Variants in TSPAN18 observed in about 807,000 individuals in gnomAD.
TSPAN18 encodes the protein tetraspanin-18.
A neutral mutation model predicts 27.3 loss-of-function variants in TSPAN18; 14 were observed. The observed-to-expected ratio is 0.51, with a 90% CI of 0.34 to 0.80. TSPAN18 has a LOEUF of 0.80. TSPAN18 is among the 30% of genes least tolerant of loss of function. The pLI, the probability that TSPAN18 is intolerant of heterozygous loss-of-function variation, is 0.01. For missense variants in TSPAN18, 268 were observed against 323.9 expected (o/e 0.83, Z 1.32); for synonymous variants, 143 against 136.5 (o/e 1.05, Z -0.33).
At chr11:44,727,980 G>A (rs867921547) in intron 1 of TSPAN18, among the ~76,000 whole-genome samples, 37 of 152,230 alleles carry the variant, frequency 2.4e-4, no homozygotes, top group African/African-American at 8.4e-4. Flanking sequence ...CCGGCTCCGG[G>A]TCCTGCTGGA....
intron 2 of TSPAN18, among the ~76,000 whole-genome samples, chr11:44,774,218 T>C (rs1855753485): frequency 6.6e-6 from 1 of 152,198 alleles, no homozygotes; most frequent in African/African-American, 2.4e-5. Context: ...GAACAGAACA[T>C]CTGTTTAAAC....
At chr11:44,742,740 G>T (rs960413367) in intron 1 of TSPAN18, among the ~76,000 whole-genome samples, 1 of 152,214 alleles carries the variant, frequency 6.6e-6, no homozygotes, top group African/African-American at 2.4e-5. Flanking sequence ...GCTGACTCAG[G>T]CTTGGTACCG....
At chr11:44,779,671 T>G (rs549613243) in intron 2 of TSPAN18, among the ~76,000 whole-genome samples, 1 of 152,168 alleles carries the variant, frequency 6.6e-6, no homozygotes. Flanking sequence ...TACCTGTGCA[T>G]ATTTACACAC....
chr11:44,801,477 C>T (rs1428791631), intron 2 of TSPAN18, among the ~76,000 whole-genome samples: 1 of 152,100 alleles, frequency 6.6e-6, no homozygotes, highest in African/African-American at 2.4e-5. Context: ...CAGAAGGTAC[C>T]CAGTACATAC....
chr11:44,809,944 C>G (rs1856678053), intron 2 of TSPAN18, among the ~76,000 whole-genome samples: 2 of 152,068 alleles, frequency 1.3e-5, no homozygotes, highest in Non-Finnish European at 2.9e-5. Flanking sequence ...CTGCAAAGCC[C>G]CATTTGATGG....
At chr11:44,899,678 G>C (rs1162178843) in intron 3 of TSPAN18, among the ~76,000 whole-genome samples, 7 of 152,192 alleles carry the variant, frequency 4.6e-5, no homozygotes, top group Non-Finnish European at 8.8e-5. Flanking sequence ...TTCATGCTCA[G>C]CACAATTTCT....
At chr11:44,769,237 G>T (rs1177627791) in intron 2 of TSPAN18, among the ~76,000 whole-genome samples, 1 of 152,090 alleles carries the variant, frequency 6.6e-6, no homozygotes, top group Non-Finnish European at 1.5e-5. Flanking sequence ...TGTGTACCTG[G>T]AATAAATCTC....
chr11:44,788,356 A>G (rs920592504), intron 2 of TSPAN18, among the ~76,000 whole-genome samples: 1 of 152,116 alleles, frequency 6.6e-6, no homozygotes, highest in Non-Finnish European at 1.5e-5. Context: ...CCGAGGGACT[A>G]GCTTTTCAAT....
chr11:44,867,388 T>TC lies in TSPAN18; in HGVS notation c.-11+6920dup, dbSNP rs1858067259. Among the ~76,000 whole-genome samples, 8 of 98,198 alleles carry TC rather than the reference T, an allele frequency of 8.1e-5. 1 individual carries two copies. The South Asian group carries it at 3.5e-3, about 43-fold the overall frequency. The allele number at this position is 98,198 out of a possible 152,430, so 64.4% of individuals were successfully genotyped here. ...TACTGGAGAAGGCTTGGTTTATGAA[T>TC]CTTTTTTTTTTTTTTTTTTTTTTTT... On this transcript the variant is annotated intron_variant, in intron 3 of 9. Transcript: ENST00000520358.
At chr11:44,743,045 A>G (rs922738661) in intron 1 of TSPAN18, among the ~76,000 whole-genome samples, 1 of 152,150 alleles carries the variant, frequency 6.6e-6, no homozygotes, top group Admixed American at 6.5e-5. Flanking sequence ...ATATCCTTCT[A>G]AGAGTCCTCC....
At chr11:44,777,041 T>G (rs912335300) in intron 2 of TSPAN18, among the ~76,000 whole-genome samples, 9 of 152,116 alleles carry the variant, frequency 5.9e-5, no homozygotes, top group African/African-American at 2.2e-4. Flanking sequence ...CCAGGCCTGG[T>G]TCTAAAGAAA....
intron 2 of TSPAN18, among the ~76,000 whole-genome samples, chr11:44,859,388 A>G (rs1857818372): frequency 6.6e-6 from 1 of 152,196 alleles, no homozygotes; most frequent in African/African-American, 2.4e-5. Context: ...GGCTTCACAG[A>G]CTTACGAAAG....
At chr11:44,911,103 ACTT>A (rs1354515956) in intron 5 of TSPAN18, among the ~76,000 whole-genome samples, 1 of 152,168 alleles carries the variant, frequency 6.6e-6, no homozygotes, top group Non-Finnish European at 1.5e-5. Flanking sequence ...GACTTGGAGA[ACTT>A]CTGGGCTGAG....
intron 5 of TSPAN18, among the ~76,000 whole-genome samples, chr11:44,915,945 C>T (rs1331010115): frequency 1.3e-5 from 2 of 152,186 alleles, no homozygotes; most frequent in South Asian, 2.1e-4. Context: ...GGCTCAGGAG[C>T]CCATGGTGCA....
intron 2 of TSPAN18, among the ~76,000 whole-genome samples, chr11:44,815,740 C>T (rs543012487): frequency 1.2e-4 from 19 of 152,082 alleles, no homozygotes; most frequent in South Asian, 1.2e-3. Context: ...AGGGAGGGTG[C>T]GGGAGACTTC....
At chr11:44,920,349 T>TG (rs766463745) in intron 8 of TSPAN18, among the ~76,000 whole-genome samples, 40 of 151,642 alleles carry the variant, frequency 2.6e-4, no homozygotes, top group Non-Finnish European at 2.4e-4. Flanking sequence ...AATTGCACAG[T>TG]GGGGGGCCCT....
At chr11:44,810,791 C>G (rs1856696917) in intron 2 of TSPAN18, among the ~76,000 whole-genome samples, 1 of 151,326 alleles carries the variant, frequency 6.6e-6, no homozygotes, top group Non-Finnish European at 1.5e-5. Flanking sequence ...TATTTTTTTG[C>G]AGGAAGGGGG....
chr11:44,832,709 C>T (rs1202420944), intron 2 of TSPAN18, among the ~76,000 whole-genome samples: 1 of 152,172 alleles, frequency 6.6e-6, no homozygotes, highest in Admixed American at 6.5e-5. Context: ...TTCCTTGTTC[C>T]TCCTTCTTCG....
chr11:44,878,519 G>A (rs1858402657), intron 3 of TSPAN18, among the ~76,000 whole-genome samples: 1 of 152,152 alleles, frequency 6.6e-6, no homozygotes, highest in South Asian at 2.1e-4. Context: ...GCCTGTGCCA[G>A]GAAATGTTGC....
Sources: allele counts gnomAD v4.1 joint callset (sites outside exome capture counted in the v4.1 genomes callset), GRCh38; gene constraint gnomAD v4.1.1; transcripts MANE v1.5; gene names NCBI Gene and HGNC (gene_info 2026-07-23, HGNC 2026-07-21).